OCA2: variants seen among roughly 807,000 people sequenced by gnomAD.
OCA2 encodes P protein.
In OCA2, 77 loss-of-function variants were observed where a neutral mutation model predicts 100.2. The ratio of observed to expected loss-of-function variants is 0.77; its 90% CI spans 0.64 to 0.93. The LOEUF (loss-of-function observed/expected upper bound fraction) is 0.93. Ranked by LOEUF, OCA2 falls within the 40% of genes least tolerant of loss-of-function variation. The pLI is 0.00. For synonymous variants in OCA2, 432 were observed against 439.2 expected, an observed-to-expected ratio of 0.98 and a Z score of 0.21; for missense variants, 1,062 against 1,089.1, an observed-to-expected ratio of 0.98 and a Z score of 0.35.
At chr15:27,821,317 T>A (rs979571980) in intron 23 of OCA2, among the ~76,000 whole-genome samples, 1 of 152,138 alleles carries the variant, frequency 6.6e-6, no homozygotes, top group South Asian at 2.1e-4. Flanking sequence ...CAAGTACTTG[T>A]ATAAGACAAA....
At chr15:27,912,609 C>G (rs895573353) in intron 19 of OCA2, among the ~76,000 whole-genome samples, 1 of 152,208 alleles carries the variant, frequency 6.6e-6, no homozygotes, top group Non-Finnish European at 1.5e-5. Context: ...AGAAGGATAG[C>G]TCTTCCTTAT....
chr15:27,787,301 G>A (rs1016137454), intron 23 of OCA2, among the ~76,000 whole-genome samples: 2 of 152,052 alleles, frequency 1.3e-5, no homozygotes, highest in Non-Finnish European at 2.9e-5. Context: ...AAAAAATCTG[G>A]AAGAGCTTTT....
At chr15:28,030,355 GAGAAGC>G (rs1489076181) in intron 3 of OCA2, among the ~76,000 whole-genome samples, 4 of 152,304 alleles carry the variant, frequency 2.6e-5, no homozygotes, top group Admixed American at 2.6e-4. Flanking sequence ...GAGAGCACAG[GAGAAGC>G]ACTGACTCTT....
At chr15:28,088,365 T>C (rs905367588) in intron 1 of OCA2, among the ~76,000 whole-genome samples, 1 of 152,086 alleles carries the variant, frequency 6.6e-6, no homozygotes, top group Admixed American at 6.5e-5. Context: ...TAAAAGGAGG[T>C]ACGTTTTCTT....
rs577343133 is a variant in OCA2 at position 28,021,694 on chromosome 15, C to T, written c.646+807G>A. Among the ~76,000 whole-genome samples the T allele has an allele frequency of 1.1e-4, 17 of 152,322 alleles. No individual in the cohort carries two copies. In the South Asian group the frequency reaches 3.1e-3, roughly 28 times the overall value. ...CCCCAGTGATGCCAAGCTTCACCCT[C>T]TCCCGCTGCCTCTATCTCCCCTAAG... On this transcript the variant is annotated intron_variant, in intron 6 of 23. Coordinates refer to ENST00000354638, the MANE Select transcript of OCA2 (RefSeq NM_000275.3).
rs1183669024 is a variant in OCA2, at chr15:27,872,254, C to T, written c.2080-332G>A. On this transcript the variant is annotated intron_variant, in intron 19 of 23. Coordinates refer to ENST00000354638, the MANE Select transcript of OCA2 (RefSeq NM_000275.3). Reference sequence around the variant, plus strand: ...AATCGTACATAATGAAATACCACTCCATATAGATCTTTCAAGAAAGTCGCA... The same window carrying T: ...AATCGTACATAATGAAATACCACTCTATATAGATCTTTCAAGAAAGTCGCA... 3.3e-5 allele frequency among the ~76,000 whole-genome samples: 5 copies of T among 152,248 alleles called. No individual in the cohort carries two copies. In the East Asian group the frequency reaches 9.6e-4, roughly 29 times the overall value.
At chr15:27,928,011 C>T (rs571083348) in intron 18 of OCA2, among the ~76,000 whole-genome samples, 2 of 152,070 alleles carry the variant, frequency 1.3e-5, no homozygotes, top group African/African-American at 2.4e-5. Context: ...AGGCTGGTCA[C>T]GAACTCCTGA....
At chr15:27,942,544 A>C (rs748504623) in intron 18 of OCA2, among the ~76,000 whole-genome samples, 1 of 152,088 alleles carries the variant, frequency 6.6e-6, no homozygotes, top group African/African-American at 2.4e-5. Flanking sequence ...TAATGGGTAT[A>C]GGATTATTTG....
chr15:27,721,053 G>A, the OCA2 span, among the ~76,000 whole-genome samples: 2 of 152,168 alleles, frequency 1.3e-5, no homozygotes, highest in Admixed American at 6.5e-5. Context: ...TTGGCACTGC[G>A]CGGCTACCTT....
Position 27,801,550 on chromosome 15 carries a change from C to CAAAAAAAAA in OCA2, c.2432+43400_2432+43408dup, listed in dbSNP as rs34636608. On this transcript the variant is annotated intron_variant, in intron 23 of 23. Transcript: ENST00000354638. ...CTGGCGACAGAGTGAGACTCGGTCTCAAAAAAAAAAAAAAAAAAAAAAAAA... is the reference window on the plus strand; with the variant it reads ...CTGGCGACAGAGTGAGACTCGGTCTCAAAAAAAAAAAAAAAAAAAAAAAAAAAAAAAAAA... 4.8e-3 allele frequency among the ~76,000 whole-genome samples: 183 copies of CAAAAAAAAA among 37,776 alleles called. 2 individuals are homozygous for CAAAAAAAAA. The highest frequency in any genetic ancestry group is 7.5e-3 in the Non-Finnish European group (121 of 16,052). 24.8% of individuals were successfully genotyped at this position (37,776 alleles called of 152,430 possible).
intron 23 of OCA2, among the ~76,000 whole-genome samples, chr15:27,805,839 C>T (rs779038439): frequency 6.6e-6 from 1 of 152,070 alleles, no homozygotes; most frequent in Non-Finnish European, 1.5e-5. Context: ...ACAGCCAGAG[C>T]GAGACCCTCA....
chr15:27,848,766 A>C lies in OCA2; in HGVS notation c.2338+2616T>G, dbSNP rs571787755. ...AGATTTTCCACTTGACAGAACACAT[A>C]TAAATTAACTCTATGCATGGACATT... On this transcript the variant is annotated intron_variant, in intron 22 of 23. Coordinates refer to ENST00000354638, the MANE Select transcript of OCA2 (RefSeq NM_000275.3). 5.3e-4 allele frequency among the ~76,000 whole-genome samples: 80 copies of C among 152,378 alleles called. 1 individual carries two copies. In the South Asian group the frequency reaches 0.016, roughly 30 times the overall value.
At chr15:27,830,191 C>A (rs190456613) in intron 23 of OCA2, among the ~76,000 whole-genome samples, 100 of 152,230 alleles carry the variant, frequency 6.6e-4, no homozygotes, top group African/African-American at 2.4e-3. Context: ...GTCACTGACC[C>A]CACAAAACAC....
chr15:28,056,323 C>T (rs2043694820), intron 2 of OCA2, among the ~76,000 whole-genome samples: 2 of 152,214 alleles, frequency 1.3e-5, no homozygotes, highest in Non-Finnish European at 2.9e-5. Flanking sequence ...TGAGCACTGG[C>T]ATTCATGACA....
chr15:27,945,560 G>C (rs906447610), intron 18 of OCA2, among the ~76,000 whole-genome samples: 2 of 152,138 alleles, frequency 1.3e-5, no homozygotes, highest in African/African-American at 4.8e-5. Flanking sequence ...AGTGTCCTTG[G>C]AGCCTGTCAG....
At chr15:27,788,730 T>A (rs1439283798) in intron 23 of OCA2, among the ~76,000 whole-genome samples, 2 of 152,120 alleles carry the variant, frequency 1.3e-5, no homozygotes, top group African/African-American at 4.8e-5. Flanking sequence ...TTTATGTGGT[T>A]GGATTTATAT....
At chr15:27,883,144 G>C (rs1169800899) in intron 19 of OCA2, among the ~76,000 whole-genome samples, 2 of 151,980 alleles carry the variant, frequency 1.3e-5, no homozygotes. Flanking sequence ...GACTCCTCTG[G>C]GCCAAAAGAT....
intron 19 of OCA2, among the ~76,000 whole-genome samples, chr15:27,909,122 G>C (rs778699850): frequency 1.1e-4 from 17 of 152,066 alleles, no homozygotes; most frequent in Non-Finnish European, 1.9e-4. Context: ...ATAAACAGTA[G>C]AGAACTTACT....
At chr15:27,991,433 C>T (rs544778805) in intron 9 of OCA2, among the ~76,000 whole-genome samples, 63 of 152,224 alleles carry the variant, frequency 4.1e-4, no homozygotes, top group Non-Finnish European at 6.6e-4. Context: ...AGCTCGTGCA[C>T]GGATGAATGC....
Sources: allele counts gnomAD v4.1 joint callset (sites outside exome capture counted in the v4.1 genomes callset), GRCh38; gene constraint gnomAD v4.1.1; transcripts MANE v1.5; gene names NCBI Gene and HGNC (gene_info 2026-07-23, HGNC 2026-07-21).